DPP6: variants seen among roughly 807,000 people sequenced by gnomAD.
The protein encoded by DPP6 is dipeptidyl peptidase like 6.
DPP6 carries 69 observed loss-of-function variants against 122.6 expected under a neutral mutation model. That is an observed-to-expected ratio of 0.56 (90% confidence interval 0.46 to 0.69). DPP6 has a LOEUF of 0.69. Among genes scored for constraint, DPP6 ranks in the 30% least tolerant of loss-of-function variants. DPP6 has a pLI of 0.00. For missense variants in DPP6, 928 were observed against 1,116.9 expected, an observed-to-expected ratio of 0.83 and a Z score of 2.41; for synonymous variants, 418 against 433.1, an observed-to-expected ratio of 0.97 and a Z score of 0.43.
At chr7:154,752,331 T>C (rs1192674433) in intron 8 of DPP6, among the ~76,000 whole-genome samples, 1 of 152,200 alleles carries the variant, frequency 6.6e-6, no homozygotes, top group African/African-American at 2.4e-5. Flanking sequence ...CTTGCAGGCA[T>C]CACCAAGTTG....
chr7:154,373,062 C>T (rs1407149980), intron 1 of DPP6, among the ~76,000 whole-genome samples: 1 of 152,204 alleles, frequency 6.6e-6, no homozygotes, highest in Non-Finnish European at 1.5e-5. Flanking sequence ...TGCCCTGCAC[C>T]ATCCGCTTCC....
At chr7:154,427,288 A>T (rs766684204) in intron 1 of DPP6, among the ~76,000 whole-genome samples, 1 of 152,126 alleles carries the variant, frequency 6.6e-6, no homozygotes, top group Non-Finnish European at 1.5e-5. Context: ...GATTAAGTGA[A>T]ATTTGTATGT....
chr7:154,503,075 G>A (rs1474296252), intron 3 of DPP6, among the ~76,000 whole-genome samples: 1 of 152,150 alleles, frequency 6.6e-6, no homozygotes, highest in African/African-American at 2.4e-5. Flanking sequence ...GAATTCTCCT[G>A]ATCCTTGCTT....
At chr7:154,031,716 G>A (rs896321797) in intron 1 of DPP6, among the ~76,000 whole-genome samples, 11 of 152,010 alleles carry the variant, frequency 7.2e-5, no homozygotes, top group Non-Finnish European at 1.5e-4. Context: ...GCTTTAGAGT[G>A]CAGTTTAACT....
chr7:154,338,546 G>T (rs565579470), intron 1 of DPP6, among the ~76,000 whole-genome samples: 1 of 152,308 alleles, frequency 6.6e-6, no homozygotes, highest in African/African-American at 2.4e-5. Context: ...TTAACTATGA[G>T]AGTCTGCATC....
intron 8 of DPP6, among the ~76,000 whole-genome samples, chr7:154,757,320 G>A (rs943906878): frequency 4.6e-5 from 7 of 152,168 alleles, no homozygotes; most frequent in African/African-American, 1.7e-4. Flanking sequence ...GGGTGTGCAG[G>A]TCCCTCCCTG....
At chr7:153,979,975 A>G (rs1386275037) in intron 1 of DPP6, among the ~76,000 whole-genome samples, 8 of 152,186 alleles carry the variant, frequency 5.3e-5, no homozygotes, top group Non-Finnish European at 7.3e-5. Context: ...TTTTGCATCA[A>G]TGTTCATCAG....
chr7:154,714,889 T>C (rs896899125), intron 7 of DPP6, among the ~76,000 whole-genome samples: 5 of 152,126 alleles, frequency 3.3e-5, no homozygotes, highest in Non-Finnish European at 7.4e-5. Flanking sequence ...TGGGCTTACT[T>C]GGGAAATAAC....
intron 10 of DPP6, among the ~76,000 whole-genome samples, chr7:154,786,483 T>C (rs1399474899): frequency 6.6e-6 from 1 of 152,174 alleles, no homozygotes; most frequent in Non-Finnish European, 1.5e-5. Flanking sequence ...GTTCTCTTGA[T>C]AGTGAATGAG....
At chr7:154,101,008 C>G (rs1201674482) in intron 1 of DPP6, among the ~76,000 whole-genome samples, 6 of 129,738 alleles carry the variant, frequency 4.6e-5, no homozygotes, top group Non-Finnish European at 8.6e-5. Context: ...GTGCCCCTGA[C>G]GGAGCTGTGG....
At chr7:154,448,399 A>G (rs1256047262) in intron 2 of DPP6, among the ~76,000 whole-genome samples, 1 of 152,198 alleles carries the variant, frequency 6.6e-6, no homozygotes, top group Non-Finnish European at 1.5e-5. Flanking sequence ...CTTGTGTACT[A>G]AAACTACAAA....
chr7:154,067,908 T>G (rs976485243), intron 1 of DPP6, among the ~76,000 whole-genome samples: 13 of 137,322 alleles, frequency 9.5e-5, no homozygotes, highest in African/African-American at 2.4e-4. Flanking sequence ...TTTTTTTTTG[T>G]TTTTTTTTTG....
intron 1 of DPP6, among the ~76,000 whole-genome samples, chr7:154,160,045 G>T (rs1222868380): frequency 6.6e-6 from 1 of 152,196 alleles, no homozygotes; most frequent in Non-Finnish European, 1.5e-5. Context: ...GCAGGGTCAA[G>T]GCGGCAGTGA....
chr7:154,664,348 A>G (rs1000552536), intron 6 of DPP6, among the ~76,000 whole-genome samples: 1 of 152,280 alleles, frequency 6.6e-6, no homozygotes, highest in Non-Finnish European at 1.5e-5. Flanking sequence ...CATTTGTCGT[A>G]TCAAAGAAAA....
intron 7 of DPP6, among the ~76,000 whole-genome samples, chr7:154,687,702 C>T (rs1216463941): frequency 6.6e-6 from 1 of 152,162 alleles, no homozygotes; most frequent in Non-Finnish European, 1.5e-5. Context: ...GATTTCAATG[C>T]AATTTATTCC....
In DPP6 at chr7:154,280,775, T is replaced by C. The variant is rs1804451550; in HGVS notation, c.244-165439T>C. Among the ~76,000 whole-genome samples the C allele has an allele frequency of 2.6e-5, 4 of 152,250 alleles. No homozygotes were observed. The South Asian group carries it at 8.3e-4, about 32-fold the overall frequency. On this transcript the variant is annotated intron_variant, in intron 1 of 25. Coordinates refer to ENST00000377770, the MANE Select transcript of DPP6 (RefSeq NM_130797.4). Reference sequence around the variant, plus strand: ...AATAACGCAGTGTAAGAATCAACCTTAATAGATCACTCACTTTGTGCCAAG... The same window carrying C: ...AATAACGCAGTGTAAGAATCAACCTCAATAGATCACTCACTTTGTGCCAAG...
chr7:154,887,837 C>G, intron 23 of DPP6, 103 bp downstream of exon 23: 7 of 1,321,878 alleles, frequency 5.3e-6, no homozygotes, highest in Non-Finnish European at 7.6e-6. Context: ...TCCCCAGCCC[C>G]ATGCTTCTCC....
chr7:154,395,946 GTTTTTTT>G (rs34530908), intron 1 of DPP6, among the ~76,000 whole-genome samples: 1 of 145,428 alleles, frequency 6.9e-6, no homozygotes, highest in African/African-American at 2.6e-5. Flanking sequence ...AATTTCTTGA[GTTTTTTT>G]TTTTTTTAAT....
intron 1 of DPP6, among the ~76,000 whole-genome samples, chr7:154,339,263 A>G (rs896305958): frequency 2.6e-5 from 4 of 152,224 alleles, no homozygotes; most frequent in Non-Finnish European, 5.9e-5. Flanking sequence ...CAAGGAAAGG[A>G]AGGAGAGTGA....
Sources: gnomAD v4.1 joint callset for allele counts (sites outside exome capture counted in the v4.1 genomes callset) on GRCh38, gnomAD v4.1.1 for gene constraint, MANE v1.5 for transcripts, NCBI Gene and HGNC (gene_info 2026-07-23, HGNC 2026-07-21) for gene names.